TTC7B: variants seen among roughly 807,000 people sequenced by gnomAD.
TTC7B encodes tetratricopeptide repeat protein 7B.
A neutral mutation model predicts 106.8 loss-of-function variants in TTC7B; 28 were observed. That is an observed-to-expected ratio of 0.26 (90% CI 0.19 to 0.36). The LOEUF (loss-of-function observed/expected upper bound fraction) is 0.36. Ranked by LOEUF, TTC7B falls within the 10% of genes least tolerant of loss-of-function variation. The pLI, the probability that TTC7B is intolerant of heterozygous loss-of-function variation, is 1.00. For synonymous variants in TTC7B, 405 were observed against 430.6 expected (o/e 0.94, Z 0.74); for missense variants, 862 against 1,076.4 (o/e 0.80, Z 2.79).
chr14:90,561,084 GCCC>G (rs1890556429), intron 19 of TTC7B, among the ~76,000 whole-genome samples: 1 of 152,186 alleles, frequency 6.6e-6, no homozygotes, highest in Non-Finnish European at 1.5e-5. Context: ...TTTGGTTCTG[GCCC>G]CATGCATCTG....
chr14:90,787,402 T>C (rs1045371606), intron 1 of TTC7B, among the ~76,000 whole-genome samples: 2 of 152,136 alleles, frequency 1.3e-5, no homozygotes, highest in African/African-American at 4.8e-5. Flanking sequence ...AGAACATAAT[T>C]GTATTAAAAT....
chr14:90,594,608 A>C (rs531097236), intron 17 of TTC7B, among the ~76,000 whole-genome samples: 1 of 152,298 alleles, frequency 6.6e-6, no homozygotes, highest in East Asian at 1.9e-4. Context: ...TGATCCATCA[A>C]ACTTCATCAA....
At chr14:90,644,249 ATG>A in intron 14 of TTC7B, 41 bp from the exon 15 acceptor site, 4 of 1,446,900 alleles carry the variant, frequency 2.8e-6, no homozygotes, top group Non-Finnish European at 3.7e-6. Context: ...ACATACACAC[ATG>A]CACACGCACA....
chr14:90,548,082 A>T (rs1256181618), intron 19 of TTC7B, among the ~76,000 whole-genome samples: 4 of 152,122 alleles, frequency 2.6e-5, no homozygotes, highest in Non-Finnish European at 4.4e-5. Flanking sequence ...GAGGTGAACC[A>T]CTCCAAGTGC....
At chr14:90,678,346 C>T (rs889085518) in intron 8 of TTC7B, among the ~76,000 whole-genome samples, 1 of 152,196 alleles carries the variant, frequency 6.6e-6, no homozygotes, top group Non-Finnish European at 1.5e-5. Flanking sequence ...AAGCGACGGA[C>T]AAATTCATGC....
intron 7 of TTC7B, among the ~76,000 whole-genome samples, chr14:90,684,860 A>T (rs1490706504): frequency 6.6e-6 from 1 of 152,130 alleles, no homozygotes; most frequent in Non-Finnish European, 1.5e-5. Context: ...ATTTTTCTCT[A>T]TGTATGGTGT....
chr14:90,744,821 C>T lies in TTC7B; in HGVS notation c.547G>A (p.Ala183Thr), dbSNP rs781393495. The change falls in exon 4 of 20, where the codon GCA becomes ACA. Residue 183 changes from alanine (A) to threonine (T), a missense_variant. Transcript: ENST00000328459. ...ITCYEKAGDI[A>T]LLYLQEIERV... ...TCTATCTCTTGGAGATACAGGAGTGCGATGTCCCCTGCTTTCTCATAACAG... is the reference window on the plus strand; with the variant it reads ...TCTATCTCTTGGAGATACAGGAGTGTGATGTCCCCTGCTTTCTCATAACAG... 7.4e-6 allele frequency: 12 copies of T among 1,613,958 alleles called. No individual in the cohort carries two copies. The East Asian group carries it at 1.1e-4, about 15-fold the overall frequency.
chr14:90,678,370 T>A (rs1480563442), intron 8 of TTC7B, among the ~76,000 whole-genome samples: 2 of 152,206 alleles, frequency 1.3e-5, no homozygotes, highest in Non-Finnish European at 2.9e-5. Flanking sequence ...TGAATTAAAG[T>A]CAGTACCAAC....
rs572674351 is a variant in TTC7B at position 90,676,235 on chromosome 14, G to A, written c.1152+288C>T. The A allele has an allele frequency of 7.0e-3, 442 of 63,506 alleles. 2 individuals carry two copies. Among genetic ancestry groups the A allele is most frequent in the Non-Finnish European group, 0.01 (365 of 35,874 alleles). 3.9% of individuals were successfully genotyped at this position (63,506 alleles called of 1,614,324 possible). A position where few individuals can be genotyped will look rare whatever the true frequency, so the allele number is the denominator to read the frequency against. ...ATCACAGATGGGAGATTTTCAGTTG[G>A]TGGAAAGAGAAACTGCTTGAGAAAT... is the stretch of plus-strand genomic sequence containing the variant. On this transcript the variant is annotated intron_variant, in intron 9 of 19. Transcript: ENST00000328459.
rs190221227 is a variant in TTC7B at position 90,748,809 on chromosome 14, A to G, written c.446-3887T>C. Among the ~76,000 whole-genome samples, 299 of 152,304 alleles carry G rather than the reference A, an allele frequency of 2.0e-3. 1 individual carries two copies. The highest frequency in any genetic ancestry group is 6.9e-3 in the African/African-American group (286 of 41,562). On this transcript the variant is annotated intron_variant, in intron 3 of 19. Coordinates refer to ENST00000328459, the MANE Select transcript of TTC7B (RefSeq NM_001010854.2). ...TAGTCATTTTTTTAACATTTAGATC[A>G]TAAGGAAAAATTCTTGTATATTCAC...
intron 19 of TTC7B, among the ~76,000 whole-genome samples, chr14:90,569,049 C>T (rs1336816545): frequency 6.6e-6 from 1 of 152,126 alleles, no homozygotes; most frequent in African/African-American, 2.4e-5. Context: ...TTTGACAGGC[C>T]CATCTTTAAT....
intron 19 of TTC7B, among the ~76,000 whole-genome samples, chr14:90,576,099 ACT>A (rs1338663943): frequency 6.6e-6 from 1 of 150,420 alleles, no homozygotes; most frequent in East Asian, 2.0e-4. Flanking sequence ...GAAACAGAAA[ACT>A]CTCCCGGTGC....
chr14:90,621,024 G>A (rs1884138383), intron 15 of TTC7B, among the ~76,000 whole-genome samples: 2 of 152,198 alleles, frequency 1.3e-5, no homozygotes, highest in African/African-American at 4.8e-5. Flanking sequence ...AGGAGCCAGG[G>A]ACACAGCAGG....
chr14:90,591,409 T>C (rs767981399), intron 18 of TTC7B, among the ~76,000 whole-genome samples: 3 of 152,170 alleles, frequency 2.0e-5, no homozygotes, highest in Non-Finnish European at 4.4e-5. Context: ...AATATTCTAA[T>C]AATCAGCTAC....
Position 90,730,142 on chromosome 14 carries a change from C to T in TTC7B, c.631G>A (p.Asp211Asn), listed in dbSNP as rs755396447. The stretch of plus-strand genomic sequence containing the variant: ...TCTAGGAAAAAACCTAGTTCTTGAT[C>T]GTGGGGAGCAGGGCCAGGCTTAGGG... ...RSPKPGPAPH[D>N]QELGFFLETG... The change falls in exon 5 of 20, where the codon GAT becomes AAT. Residue 211 changes from aspartate to asparagine, a missense_variant. Asp to Asn is a conservative substitution (Grantham distance 23). Coordinates refer to ENST00000328459, the MANE Select transcript of TTC7B (RefSeq NM_001010854.2). The T allele has an allele frequency of 1.2e-6, 2 of 1,613,618 alleles. No homozygotes were observed. The highest frequency in any genetic ancestry group is 1.3e-5 in the African/African-American group (1 of 74,850).
chr14:90,564,781 C>G (rs573328834), intron 19 of TTC7B, among the ~76,000 whole-genome samples: 1 of 152,124 alleles, frequency 6.6e-6, no homozygotes, highest in Non-Finnish European at 1.5e-5. Context: ...TGTGGTGATA[C>G]GTGCCTATAG....
At chr14:90,800,016 T>TTC (rs914455478) in intron 1 of TTC7B, among the ~76,000 whole-genome samples, 32 of 152,156 alleles carry the variant, frequency 2.1e-4, no homozygotes, top group African/African-American at 7.2e-4. Flanking sequence ...GTATTTTTAG[T>TTC]AGAGTCAGGG....
intron 3 of TTC7B, among the ~76,000 whole-genome samples, chr14:90,747,603 G>A (rs146037887): frequency 6.6e-6 from 1 of 152,292 alleles, no homozygotes; most frequent in Non-Finnish European, 1.5e-5. Context: ...CTCTGTTGTT[G>A]TTGGGTGGAA....
At chr14:90,677,970 C>T in intron 8 of TTC7B, 1 of 354,196 alleles carries the variant, frequency 2.8e-6, no homozygotes, top group Non-Finnish European at 5.4e-6. Flanking sequence ...CCCTCTTGAG[C>T]CCAAAAAAAG....
Sources: gnomAD v4.1 joint callset for allele counts (sites outside exome capture counted in the v4.1 genomes callset) on GRCh38, gnomAD v4.1.1 for gene constraint, MANE v1.5 for transcripts, NCBI Gene and HGNC (gene_info 2026-07-23, HGNC 2026-07-21) for gene names.